Variants in RYR2 observed in about 807,000 individuals in gnomAD.
The protein encoded by RYR2 is ryanodine receptor 2.
Under a neutral mutation model 601.1 loss-of-function variants are expected in RYR2, and 227 were observed. That is an observed-to-expected ratio of 0.38 (90% CI 0.34 to 0.42). RYR2 has a LOEUF of 0.42. Ranked by LOEUF, RYR2 falls within the 10% of genes least tolerant of loss-of-function variation. The pLI, the probability that RYR2 is intolerant of heterozygous loss-of-function variation, is 1.00. For missense variants in RYR2, 4,646 were observed against 6,156.5 expected, an observed-to-expected ratio of 0.75 and a Z score of 8.21; for synonymous variants, 2,223 against 2,175.1, an observed-to-expected ratio of 1.02 and a Z score of -0.61.
intron 1 of RYR2, among the ~76,000 whole-genome samples, chr1:237,122,606 T>C (rs2490384): frequency 0.6 from 90,836 of 151,868 alleles, 27,288 homozygotes; most frequent in South Asian, 0.72. Flanking sequence ...CGCTTGAACC[T>C]AGGAGGTGGA....
intron 79 of RYR2, 140 bp from the exon 80 acceptor site, chr1:237,742,156 C>A: frequency 1.6e-6 from 1 of 630,136 alleles, no homozygotes; most frequent in Non-Finnish European, 2.8e-6. Flanking sequence ...GTCATCTAAG[C>A]ATTCTATCTT....
In RYR2 at chr1:237,642,502, A is replaced by G. The variant is rs918780474; in HGVS notation, c.7222-825A>G. On this transcript the variant is annotated intron_variant, in intron 47 of 104. Coordinates refer to ENST00000366574, the MANE Select transcript of RYR2 (RefSeq NM_001035.3). ...AAAAAAACATCAGCGAAACAAAGAG[A>G]AAGTATACTAATAAATAGAAGTTTT... Among the ~76,000 whole-genome samples, 9 of 152,334 alleles carry G rather than the reference A, an allele frequency of 5.9e-5. No individual in the cohort carries two copies. In the East Asian group the frequency reaches 1.5e-3, roughly 26 times the overall value.
At chr1:237,268,174 T>C (rs1689256323) in intron 1 of RYR2, among the ~76,000 whole-genome samples, 1 of 152,214 alleles carries the variant, frequency 6.6e-6, no homozygotes, top group African/African-American at 2.4e-5. Context: ...TAATAATGTA[T>C]TAAATTGTAT....
chr1:237,472,207 G>C (rs4367778), intron 17 of RYR2, among the ~76,000 whole-genome samples: 73,897 of 152,060 alleles, frequency 0.49, 19,045 homozygotes, highest in East Asian at 0.71. Context: ...ATTGTGCTTT[G>C]CTCTTTACAA....
chr1:237,622,158 T>G (rs1242018571), intron 38 of RYR2, among the ~76,000 whole-genome samples: 1 of 152,130 alleles, frequency 6.6e-6, no homozygotes, highest in Admixed American at 6.5e-5. Flanking sequence ...AAATCTAAAA[T>G]AGTTTCTTAA....
chr1:237,755,206 TAG>T, intron 80 of RYR2: 1 of 702,786 alleles, frequency 1.4e-6, no homozygotes, highest in Non-Finnish European at 2.0e-6. Context: ...CCCCTCCTTT[TAG>T]TTCACTTTAT....
At chr1:237,412,027 A>G (rs1028608507) in intron 10 of RYR2, among the ~76,000 whole-genome samples, 1 of 152,168 alleles carries the variant, frequency 6.6e-6, no homozygotes. Context: ...CTGTCAAGCT[A>G]TGAAGAACTC....
intron 1 of RYR2, among the ~76,000 whole-genome samples, chr1:237,114,634 A>G (rs1435995946): frequency 6.6e-6 from 1 of 152,204 alleles, no homozygotes; most frequent in Non-Finnish European, 1.5e-5. Context: ...GACCTAGGGG[A>G]TAGAGCATGA....
At chr1:237,697,673 T>C (rs974908275) in intron 63 of RYR2, among the ~76,000 whole-genome samples, 2 of 151,276 alleles carry the variant, frequency 1.3e-5, no homozygotes, top group South Asian at 2.1e-4. Flanking sequence ...GACTATTTTG[T>C]TCATTACTGG....
At chr1:237,734,279 T>A (rs1690941954) in intron 79 of RYR2, among the ~76,000 whole-genome samples, 1 of 152,110 alleles carries the variant, frequency 6.6e-6, no homozygotes, top group African/African-American at 2.4e-5. Context: ...GTAAGGTACA[T>A]CTTACATGGC....
At chr1:237,821,217 T>G (rs1402870525) in intron 101 of RYR2, among the ~76,000 whole-genome samples, 1 of 152,070 alleles carries the variant, frequency 6.6e-6, no homozygotes, top group African/African-American at 2.4e-5. Context: ...CTGACCCCCA[T>G]GTATCCTGAC....
Position 237,424,397 on chromosome 1 carries a change from C to T in RYR2, c.1005+1149C>T, listed in dbSNP as rs148480557. On this transcript the variant is annotated intron_variant, in intron 12 of 104. Transcript: ENST00000366574. Reference sequence around the variant, plus strand: ...TCAGGGCTCATTGAAAAGAAAAAAACGTATTACTTTGTTTTTTCACTGCTA... The same window carrying T: ...TCAGGGCTCATTGAAAAGAAAAAAATGTATTACTTTGTTTTTTCACTGCTA... Among the ~76,000 whole-genome samples, 149 of 152,228 alleles carry T rather than the reference C, an allele frequency of 9.8e-4. 1 individual carries two copies. The highest frequency in any genetic ancestry group is 3.2e-3 in the African/African-American group (135 of 41,540).
intron 1 of RYR2, among the ~76,000 whole-genome samples, chr1:237,149,530 A>G (rs1322139216): frequency 2.0e-5 from 3 of 152,174 alleles, no homozygotes; most frequent in African/African-American, 7.2e-5. Context: ...AGGATTAACC[A>G]TAGGTAGCAT....
At chr1:237,608,998 C>G (rs968262497) in intron 35 of RYR2, among the ~76,000 whole-genome samples, 1 of 151,672 alleles carries the variant, frequency 6.6e-6, no homozygotes, top group African/African-American at 2.4e-5. Context: ...TTTCTCTCTT[C>G]TTCTCTTCTC....
At chr1:237,692,586 G>T (rs541595794) in intron 63 of RYR2, among the ~76,000 whole-genome samples, 1 of 152,184 alleles carries the variant, frequency 6.6e-6, no homozygotes, top group Non-Finnish European at 1.5e-5. Context: ...TGCTTCTTCA[G>T]CTTCCTTGGC....
intron 17 of RYR2, among the ~76,000 whole-genome samples, chr1:237,473,316 G>A (rs888358956): frequency 4.0e-5 from 6 of 151,864 alleles, no homozygotes; most frequent in Non-Finnish European, 8.8e-5. Flanking sequence ...CCCAGCTACT[G>A]GGGAGGCCGA....
intron 1 of RYR2, among the ~76,000 whole-genome samples, chr1:237,234,021 A>G (rs575327715): frequency 1.3e-4 from 20 of 152,242 alleles, no homozygotes; most frequent in Middle Eastern, 3.4e-3. Flanking sequence ...TCAAGGGTCA[A>G]ATTTTTGAGG....
In RYR2 at chr1:237,180,790, A is replaced by G. The variant is rs1678653722; in HGVS notation, c.49-89707A>G. ...ATAGTAATATGCTAACATGAATTAT[A>G]CCAATTATATAATAATTACTAATTT... On this transcript the variant is annotated intron_variant, in intron 1 of 104. Transcript: ENST00000366574. This position sits in a 1 kb window ranked among gnomAD's most constrained non-coding sequence, Gnocchi z 5.3. Among the ~76,000 whole-genome samples, 1 of 147,990 alleles carries G rather than the reference A, an allele frequency of 6.8e-6. No homozygotes were observed. The highest frequency in any genetic ancestry group is 2.1e-4 in the South Asian group (1 of 4,798).
intron 101 of RYR2, among the ~76,000 whole-genome samples, chr1:237,823,639 C>T (rs1188501934): frequency 6.6e-6 from 1 of 152,012 alleles, no homozygotes; most frequent in Non-Finnish European, 1.5e-5. Context: ...CAAGAGCAAA[C>T]AAATTCAAAA....
Sources: gnomAD v4.1 joint callset for allele counts (sites outside exome capture counted in the v4.1 genomes callset) on GRCh38, gnomAD v4.1.1 for gene constraint, Gnocchi (gnomAD v3.1) non-coding constraint, MANE v1.5 for transcripts, NCBI Gene and HGNC (gene_info 2026-07-23, HGNC 2026-07-21) for gene names.